ACSL3: variants seen among roughly 807,000 people sequenced by gnomAD.
ACSL3 encodes fatty acid CoA ligase Acsl3.
A neutral mutation model predicts 84.7 loss-of-function variants in ACSL3; 34 were observed. That is an observed-to-expected ratio of 0.40 (90% CI 0.31 to 0.53). ACSL3 has a LOEUF of 0.53. ACSL3 is among the 20% of genes least tolerant of loss of function. The probability of loss-of-function intolerance (pLI) is 0.48; values close to 1 mark genes in which losing one functional copy is unlikely to be tolerated. For missense variants in ACSL3, 680 were observed against 873.1 expected, an observed-to-expected ratio of 0.78 and a Z score of 2.79; for synonymous variants, 315 against 299.4, an observed-to-expected ratio of 1.05 and a Z score of -0.54.
intron 4 of ACSL3, among the ~76,000 whole-genome samples, chr2:222,913,355 G>C (rs1574549520): frequency 6.6e-6 from 1 of 151,998 alleles, no homozygotes; most frequent in East Asian, 1.9e-4. Flanking sequence ...GATTTATTAG[G>C]ACATTTGCAT....
chr2:222,865,781 G>T (rs1695119313), intron 1 of ACSL3, among the ~76,000 whole-genome samples: 1 of 133,712 alleles, frequency 7.5e-6, no homozygotes, highest in Non-Finnish European at 1.6e-5. Flanking sequence ...GTTTTACCTT[G>T]ATTTTGGATC....
intron 13 of ACSL3, among the ~76,000 whole-genome samples, chr2:222,929,201 A>C (rs1696959376): frequency 6.6e-6 from 1 of 152,242 alleles, no homozygotes; most frequent in Admixed American, 6.5e-5. Context: ...TGTACTAATA[A>C]GTGAATAATG....
intron 8 of ACSL3, among the ~76,000 whole-genome samples, chr2:222,922,196 A>G (rs1424720709): frequency 6.6e-6 from 1 of 152,156 alleles, no homozygotes; most frequent in Non-Finnish European, 1.5e-5. Context: ...GTATATTAAG[A>G]TCTAATTTAT....
intron 7 of ACSL3, chr2:222,919,426 T>C: frequency 2.6e-6 from 1 of 377,622 alleles, no homozygotes; most frequent in Non-Finnish European, 4.6e-6. Flanking sequence ...AGTATTTATT[T>C]GAAATTTAAA....
chr2:222,884,793 A>G (rs187616275), intron 1 of ACSL3, among the ~76,000 whole-genome samples: 5 of 152,310 alleles, frequency 3.3e-5, no homozygotes, highest in Admixed American at 2.0e-4. Flanking sequence ...GTCTTCTGAA[A>G]TTTCTCTTTT....
At chr2:222,863,790 T>C (rs1345917030) in intron 1 of ACSL3, among the ~76,000 whole-genome samples, 2 of 152,206 alleles carry the variant, frequency 1.3e-5, no homozygotes, top group African/African-American at 2.4e-5. Context: ...AATATATAAA[T>C]GTCTCAGTTG....
At chr2:222,868,811 A>C (rs1695218670) in intron 1 of ACSL3, among the ~76,000 whole-genome samples, 1 of 152,066 alleles carries the variant, frequency 6.6e-6, no homozygotes, top group South Asian at 2.1e-4. Flanking sequence ...GTCTCTACTA[A>C]AAATACAAAT....
At chr2:222,937,958 A>G (rs1315790919) in intron 16 of ACSL3, among the ~76,000 whole-genome samples, 1 of 151,876 alleles carries the variant, frequency 6.6e-6, no homozygotes, top group East Asian at 1.9e-4. Context: ...TGTATGTTCT[A>G]TAGACATTTT....
At chr2:222,928,431 A>G (rs1485) in intron 12 of ACSL3, among the ~76,000 whole-genome samples, 58,315 of 151,974 alleles carry the variant, frequency 0.38, 12,043 homozygotes, top group East Asian at 0.76. Flanking sequence ...AGGGATTTCA[A>G]ACTCAAGAAC....
At chr2:222,893,627 C>T (rs775544195) in intron 2 of ACSL3, among the ~76,000 whole-genome samples, 80 of 152,126 alleles carry the variant, frequency 5.3e-4, no homozygotes, top group Non-Finnish European at 9.4e-4. Context: ...CTGTTTTTCT[C>T]TTAGGAAAAC....
At position 222,909,060 on chromosome 2, in the gene ACSL3, A is replaced by C; in HGVS notation, c.288A>C (p.Lys96Asn). 4 of 1,612,474 alleles carry C rather than the reference A, an allele frequency of 2.5e-6. No homozygotes were observed. The highest frequency in any genetic ancestry group is 2.5e-6 in the Non-Finnish European group (3 of 1,179,594). ...DTLDKVFTYAKNKFKNKRLLG... is the reference protein window; with the variant it reads ...DTLDKVFTYANNKFKNKRLLG... ...TAGATAAAGTTTTTACATATGCAAAAAACAAATTTAAGAACAAAAGACTCT... is the reference window on the plus strand; with the variant it reads ...TAGATAAAGTTTTTACATATGCAAACAACAAATTTAAGAACAAAAGACTCT... The change falls in exon 4 of 17, where the codon AAA becomes AAC. Residue 96 changes from lysine to asparagine, a missense_variant. Lys to Asn is a moderately conservative substitution (Grantham distance 94). Around this residue, in one of 2 missense-constraint regions of ACSL3, gnomAD observed 333 missense variants for 347.5 expected, o/e 0.96. Transcript: ENST00000357430.
intron 13 of ACSL3, among the ~76,000 whole-genome samples, chr2:222,930,153 C>T (rs1696987342): frequency 6.6e-6 from 1 of 152,032 alleles, no homozygotes; most frequent in African/African-American, 2.4e-5. Context: ...TGACCTCAAA[C>T]TCCTGACCTC....
At chr2:222,923,006 T>C in intron 9 of ACSL3, 72 bp from the exon 10 acceptor site, 1 of 1,384,788 alleles carries the variant, frequency 7.2e-7, no homozygotes, top group Non-Finnish European at 1.0e-6. Flanking sequence ...AATAGGCTTT[T>C]TGATCTAAGA....
chr2:222,880,604 G>A (rs950148627), intron 1 of ACSL3, among the ~76,000 whole-genome samples: 1 of 151,900 alleles, frequency 6.6e-6, no homozygotes, highest in Non-Finnish European at 1.5e-5. Flanking sequence ...CAAGGTGGGC[G>A]GATCACGAGA....
intron 2 of ACSL3, among the ~76,000 whole-genome samples, chr2:222,888,173 A>G (rs1313250260): frequency 6.6e-6 from 1 of 152,290 alleles, no homozygotes; most frequent in Non-Finnish European, 1.5e-5. Flanking sequence ...ATAGTTTAGC[A>G]TGAATTAGAC....
chr2:222,872,309 A>T (rs1410212017), intron 1 of ACSL3, among the ~76,000 whole-genome samples: 1 of 151,976 alleles, frequency 6.6e-6, no homozygotes, highest in African/African-American at 2.4e-5. Context: ...TATTTTTAGT[A>T]GAGACAGGGT....
chr2:222,927,246 T>C (rs28718147), intron 12 of ACSL3, 57 bp downstream of exon 12: 1 of 1,576,028 alleles, frequency 6.3e-7, no homozygotes, highest in Non-Finnish European at 8.7e-7. Flanking sequence ...TTTTGGGGTA[T>C]GGGATATTTT....
intron 10 of ACSL3, 145 bp from the exon 11 acceptor site, chr2:222,924,311 T>C (rs1696817707): frequency 2.9e-6 from 2 of 693,314 alleles, no homozygotes; most frequent in Non-Finnish European, 2.1e-6. Flanking sequence ...AAAAGGTTTT[T>C]TCCTTCTTGC....
At chr2:222,888,288 C>T (rs1695768379) in intron 2 of ACSL3, among the ~76,000 whole-genome samples, 1 of 152,136 alleles carries the variant, frequency 6.6e-6, no homozygotes, top group Admixed American at 6.6e-5. Flanking sequence ...TTTGTCAACC[C>T]ATAGAAGGTT....
Sources: gnomAD v4.1 joint callset for allele counts (sites outside exome capture counted in the v4.1 genomes callset) on GRCh38, gnomAD v4.1.1 for gene constraint, gnomAD v4.1.1 regional missense constraint, MANE v1.5 for transcripts, NCBI Gene and HGNC (gene_info 2026-07-23, HGNC 2026-07-21) for gene names.